The following SGCG variants were observed in gnomAD, a reference collection of about 807,000 sequenced individuals.
The protein encoded by SGCG is sarcoglycan gamma.
In SGCG, 26 loss-of-function variants were observed where a neutral mutation model predicts 29.3. The ratio of observed to expected loss-of-function variants is 0.89; its 90% CI spans 0.65 to 1.23. The LOEUF (loss-of-function observed/expected upper bound fraction) is 1.23, where lower values mean the gene tolerates loss of function less well. Ranked by LOEUF, SGCG falls within the 50% of genes most tolerant of loss-of-function variation. The probability of loss-of-function intolerance (pLI) is 0.00; values close to 1 mark genes in which losing one functional copy is unlikely to be tolerated. For synonymous variants in SGCG, 145 were observed against 129.7 expected (o/e 1.12, Z -0.80); for missense variants, 353 against 356.0 (o/e 0.99, Z 0.07).
At position 23,250,635 on chromosome 13, in the gene SGCG, A is replaced by C. The variant is rs144277094; in HGVS notation, c.303A>C (p.Ser101=). 5.4e-5 allele frequency: 86 copies of C among 1,594,660 alleles called. No homozygotes were observed. The highest frequency in any genetic ancestry group is 7.1e-5 in the Non-Finnish European group (83 of 1,162,768). Residue 101 remains serine, a synonymous_variant, in exon 4 of 8, where the codon TCA becomes TCC. Coordinates refer to ENST00000218867, the MANE Select transcript of SGCG (RefSeq NM_000231.3). ...TTTTATAAATCTCTTTCTAGGACTC[A>C]TCTCTGCTTCTACAATCAACCCAGA... The part of the protein sequence containing the change: ...YAKEIHSRVD[S]SLLLQSTQNV...
rs377440121 is a variant in SGCG at position 23,262,191 on chromosome 13, G to C, written c.385+11474G>C. 2.2e-4 allele frequency among the ~76,000 whole-genome samples: 34 copies of C among 152,074 alleles called. No individual in the cohort carries two copies. In the East Asian group the frequency reaches 3.7e-3, roughly 16 times the overall value. ...CACATTGAATGTAAGTGGTCTAAAT[G>C]CTCCACTTAAAAGATACAGATTAGC... On this transcript the variant is annotated intron_variant, in intron 4 of 7. Coordinates refer to ENST00000218867, the MANE Select transcript of SGCG (RefSeq NM_000231.3).
intron 4 of SGCG, among the ~76,000 whole-genome samples, chr13:23,274,462 G>A (rs1016729242): frequency 2.2e-5 from 3 of 137,200 alleles, no homozygotes; most frequent in African/African-American, 8.4e-5. Context: ...GAGTGCAGTG[G>A]TGCGATCTTG....
intron 2 of SGCG, among the ~76,000 whole-genome samples, chr13:23,216,687 C>T (rs685890): frequency 0.23 from 34,657 of 151,924 alleles, 4,139 homozygotes; most frequent in Middle Eastern, 0.33. Flanking sequence ...GGTATATATA[C>T]ATTGTTGTCT....
At chr13:23,225,546 G>C (rs539818420) in intron 2 of SGCG, among the ~76,000 whole-genome samples, 3 of 152,046 alleles carry the variant, frequency 2.0e-5, no homozygotes, top group African/African-American at 4.8e-5. Flanking sequence ...GATTTGGCTT[G>C]TGGGAGCCCT....
chr13:23,278,663 G>A (rs17374863), intron 4 of SGCG, among the ~76,000 whole-genome samples: 13,937 of 152,202 alleles, frequency 0.092, 692 homozygotes, highest in Admixed American at 0.11. Context: ...ACCCTCACAT[G>A]TCTGGATGGC....
chr13:23,249,729 C>T (rs1350915962), intron 3 of SGCG, among the ~76,000 whole-genome samples: 2 of 152,068 alleles, frequency 1.3e-5, no homozygotes, highest in Non-Finnish European at 2.9e-5. Context: ...ACAAAGAAAA[C>T]TCAGACTGTC....
intron 6 of SGCG, among the ~76,000 whole-genome samples, chr13:23,318,451 T>C (rs906766096): frequency 2.0e-5 from 3 of 150,152 alleles, no homozygotes; most frequent in Non-Finnish European, 4.4e-5. Flanking sequence ...TATAGAAATA[T>C]ACATATTTAT....
At chr13:23,291,665 C>A (rs1414944427) in intron 5 of SGCG, among the ~76,000 whole-genome samples, 2 of 152,124 alleles carry the variant, frequency 1.3e-5, no homozygotes, top group Non-Finnish European at 2.9e-5. Flanking sequence ...CCTGTAAGTA[C>A]ATTACCATAA....
chr13:23,303,644 C>T (rs571399296), intron 6 of SGCG, among the ~76,000 whole-genome samples: 17 of 152,250 alleles, frequency 1.1e-4, no homozygotes, highest in African/African-American at 3.9e-4. Context: ...CAGGTATGCA[C>T]GTATCAGAGG....
At chr13:23,168,734 A>G in the SGCG span, among the ~76,000 whole-genome samples, 2 of 152,220 alleles carry the variant, frequency 1.3e-5, no homozygotes, top group African/African-American at 2.4e-5. Flanking sequence ...AGGCCTGCTC[A>G]CATACATGAC....
At chr13:23,322,185 TG>T (rs1191552538) in intron 7 of SGCG, among the ~76,000 whole-genome samples, 1 of 152,152 alleles carries the variant, frequency 6.6e-6, no homozygotes, top group Non-Finnish European at 1.5e-5. Context: ...GTGAGTGACA[TG>T]GGTTGTGTTC....
intron 2 of SGCG, among the ~76,000 whole-genome samples, chr13:23,211,833 CA>C (rs900047221): frequency 6.6e-6 from 1 of 152,164 alleles, no homozygotes; most frequent in African/African-American, 2.4e-5. Flanking sequence ...CACTCCAACC[CA>C]GGCACACACG....
chr13:23,162,162 CATTTT>C, the SGCG span, among the ~76,000 whole-genome samples: 1 of 152,150 alleles, frequency 6.6e-6, no homozygotes, highest in Non-Finnish European at 1.5e-5. Context: ...TTAAAAGTAA[CATTTT>C]ATAAATTGTG....
At chr13:23,264,889 T>G (rs1880579243) in intron 4 of SGCG, among the ~76,000 whole-genome samples, 1 of 152,148 alleles carries the variant, frequency 6.6e-6, no homozygotes, top group Non-Finnish European at 1.5e-5. Context: ...TGTAGAAGAA[T>G]GAAACTGGAT....
chr13:23,304,286 T>C (rs1007855454), intron 6 of SGCG, among the ~76,000 whole-genome samples: 1 of 152,194 alleles, frequency 6.6e-6, no homozygotes, highest in Non-Finnish European at 1.5e-5. Flanking sequence ...TAAGTTTGAA[T>C]TTAACATGTT....
chr13:23,290,642 G>A (rs778755757), intron 5 of SGCG, among the ~76,000 whole-genome samples: 13 of 152,270 alleles, frequency 8.5e-5, no homozygotes, highest in African/African-American at 1.7e-4. Flanking sequence ...GACATTAAGC[G>A]GAAGTTTGGC....
At chr13:23,222,925 T>C (rs1878727528) in intron 2 of SGCG, among the ~76,000 whole-genome samples, 2 of 152,190 alleles carry the variant, frequency 1.3e-5, no homozygotes, top group Non-Finnish European at 2.9e-5. Flanking sequence ...GTTCTTCCTA[T>C]TTTTTATGAC....
the SGCG span, among the ~76,000 whole-genome samples, chr13:23,166,755 A>G: frequency 8.5e-5 from 13 of 152,160 alleles, no homozygotes; most frequent in Non-Finnish European, 1.8e-4. Context: ...GTGTCATCAC[A>G]GAAAAACCTT....
intron 2 of SGCG, among the ~76,000 whole-genome samples, chr13:23,223,047 G>A (rs1878732856): frequency 6.6e-6 from 1 of 151,982 alleles, no homozygotes; most frequent in African/African-American, 2.4e-5. Context: ...GGGAGGCCAA[G>A]GTGGGCAGAT....
Sources: gnomAD v4.1 joint callset for allele counts (sites outside exome capture counted in the v4.1 genomes callset) on GRCh38, gnomAD v4.1.1 for gene constraint, MANE v1.5 for transcripts, NCBI Gene and HGNC (gene_info 2026-07-23, HGNC 2026-07-21) for gene names.